IL12RB2: variants seen among roughly 807,000 people sequenced by gnomAD.
IL12RB2 encodes interleukin-12 receptor subunit beta-2.
Under a neutral mutation model 89.4 loss-of-function variants are expected in IL12RB2, and 82 were observed. That is an observed-to-expected ratio of 0.92 (90% CI 0.77 to 1.10). IL12RB2 has a LOEUF of 1.10. Among genes scored for constraint, IL12RB2 ranks in the 50% least tolerant of loss-of-function variants. IL12RB2 has a pLI of 0.00. For missense variants in IL12RB2, 963 were observed against 1,031.9 expected (o/e 0.93, Z 0.92); for synonymous variants, 368 against 370.1 (o/e 0.99, Z 0.07).
intron 8 of IL12RB2, among the ~76,000 whole-genome samples, chr1:67,332,950 G>GCA (rs1367249587): frequency 6.6e-6 from 1 of 152,162 alleles, no homozygotes; most frequent in Non-Finnish European, 1.5e-5. Context: ...CTTCAAGGCA[G>GCA]CACAGTAACT....
chr1:67,387,733 G>C (rs1228546341), intron 15 of IL12RB2, among the ~76,000 whole-genome samples: 1 of 148,100 alleles, frequency 6.8e-6, no homozygotes, highest in Non-Finnish European at 1.5e-5. Flanking sequence ...AAATTAAATG[G>C]TATGAACAAT....
In IL12RB2 at chr1:67,334,628, C is replaced by T. The variant is rs909534922; in HGVS notation, c.958+3818C>T. On this transcript the variant is annotated intron_variant, in intron 8 of 16. Transcript: ENST00000674203. ...CGAGTAGCTGGGACTACAGGCACCC[C>T]GCCACCACGCCCGGCTAATTTTTTG... Among the ~76,000 whole-genome samples the T allele has an allele frequency of 6.1e-4, 91 of 148,122 alleles. 1 individual carries two copies. Among genetic ancestry groups the T allele is most frequent in the Admixed American group, 5.1e-3 (76 of 14,904 alleles).
intron 11 of IL12RB2, among the ~76,000 whole-genome samples, chr1:67,369,217 G>A (rs1370979145): frequency 6.6e-6 from 1 of 152,180 alleles, no homozygotes; most frequent in African/African-American, 2.4e-5. Context: ...AGAGGAAGAT[G>A]ACCAAGTTAT....
At chr1:67,337,879 G>A (rs1451326226) in intron 8 of IL12RB2, among the ~76,000 whole-genome samples, 1 of 138,810 alleles carries the variant, frequency 7.2e-6, no homozygotes, top group East Asian at 2.1e-4. Flanking sequence ...CTTCTCTGTT[G>A]AGAATTCTTT....
At chr1:67,333,586 T>G (rs1222211951) in intron 8 of IL12RB2, among the ~76,000 whole-genome samples, 1 of 152,130 alleles carries the variant, frequency 6.6e-6, no homozygotes, top group Non-Finnish European at 1.5e-5. Context: ...GTCATTAAAT[T>G]CAGCTCCTAT....
intron 15 of IL12RB2, among the ~76,000 whole-genome samples, chr1:67,386,886 ATATATATATATATATATATATAT>A (rs1665238237): frequency 2.9e-5 from 1 of 34,480 alleles, no homozygotes; most frequent in Non-Finnish European, 1.0e-4. Flanking sequence ...ATATATATAT[ATATATATATATATATATATATAT>A]ATATATATTC....
At chr1:67,346,086 G>A (rs1660187320) in intron 9 of IL12RB2, among the ~76,000 whole-genome samples, 1 of 152,144 alleles carries the variant, frequency 6.6e-6, no homozygotes, top group African/African-American at 2.4e-5. Flanking sequence ...TGGTCCAGCA[G>A]TTAAGAGTTC....
intron 2 of IL12RB2, among the ~76,000 whole-genome samples, chr1:67,316,999 G>A (rs1403241089): frequency 3.3e-5 from 5 of 152,092 alleles, no homozygotes; most frequent in Non-Finnish European, 7.4e-5. Context: ...TTGGCACTTA[G>A]CAGCTGCTTA....
chr1:67,370,031 A>AC (rs1277099752), intron 11 of IL12RB2, among the ~76,000 whole-genome samples: 2 of 152,048 alleles, frequency 1.3e-5, no homozygotes, highest in East Asian at 3.9e-4. Flanking sequence ...GAAAAAAAAA[A>AC]AAAAACAATA....
Position 67,328,359 on chromosome 1 carries a change from A to G in IL12RB2, c.639A>G (p.Pro213=). ...GTCTTGGAAGCTCCTCTTCACTTCC[A>G]TCCACATTCACATTCTTGGACATAG... The part of the protein sequence containing the change: ...VNSLGSSSSL[P]STFTFLDIVR... Residue 213 remains proline (P), a synonymous_variant, in exon 6 of 17, where the codon CCA becomes CCG. Transcript: ENST00000674203. 1.2e-6 allele frequency: 2 copies of G among 1,614,164 alleles called. No homozygotes were observed. The highest frequency in any genetic ancestry group is 8.5e-7 in the Non-Finnish European group (1 of 1,180,024).
chr1:67,382,134 C>T (rs1443289540), intron 14 of IL12RB2, among the ~76,000 whole-genome samples: 1 of 152,188 alleles, frequency 6.6e-6, no homozygotes, highest in Non-Finnish European at 1.5e-5. Flanking sequence ...ATAATCTCAG[C>T]ACTTTGGGAG....
In IL12RB2 at chr1:67,368,000, C is replaced by A. The variant is rs1378506323; in HGVS notation, c.1434C>A (p.Pro478=). 1 of 1,604,770 alleles carries A rather than the reference C, an allele frequency of 6.2e-7. No homozygotes were observed. The highest frequency in any genetic ancestry group is 8.5e-7 in the Non-Finnish European group (1 of 1,171,488). ...QVPLNWLRSR[P]YNVSALISEN... The stretch of plus-strand genomic sequence containing the variant: ...CTCTAAACTGGCTACGGAGTCGACC[C>A]TACAATGTGTCTGCTCTGATTTCAG... Residue 478 remains proline, a synonymous_variant, in exon 11 of 17, where the codon CCC becomes CCA. Transcript: ENST00000674203.
At chr1:67,353,121 A>G (rs1661027208) in intron 10 of IL12RB2, among the ~76,000 whole-genome samples, 1 of 152,230 alleles carries the variant, frequency 6.6e-6, no homozygotes, top group Non-Finnish European at 1.5e-5. Context: ...ATAGTAAAGA[A>G]TGGACTGGTT....
intron 13 of IL12RB2, among the ~76,000 whole-genome samples, chr1:67,379,509 C>CAAAAAAAAAAAAAA (rs58494224): frequency 2.9e-5 from 2 of 68,492 alleles, no homozygotes; most frequent in African/African-American, 5.9e-5. Context: ...GAACCTGTCT[C>CAAAAAAAAAAAAAA]AAAAAAAAAA....
intron 8 of IL12RB2, 82 bp downstream of exon 8, chr1:67,330,892 GA>G: frequency 1.2e-6 from 1 of 833,630 alleles, no homozygotes; most frequent in East Asian, 2.4e-5. Flanking sequence ...CCTTGGAATA[GA>G]ATCTTTAAAC....
intron 4 of IL12RB2, among the ~76,000 whole-genome samples, chr1:67,324,387 T>G (rs1325187310): frequency 6.6e-6 from 1 of 151,996 alleles, no homozygotes; most frequent in African/African-American, 2.4e-5. Flanking sequence ...CATGCCCGGC[T>G]AATTTTTGTA....
Position 67,350,856 on chromosome 1 carries a change from G to A in IL12RB2, c.1039-14G>A, listed in dbSNP as rs372578619. The stretch of plus-strand genomic sequence containing the variant: ...GTCTGGGAGTAAATAGTGAATAAAT[G>A]TGTCTTGTTGCAGAATCTGAGTGTC... On this transcript the variant is annotated splice_polypyrimidine_tract_variant and intron_variant, in intron 9 of 16. Transcript: ENST00000674203. The A allele has an allele frequency of 1.2e-5, 19 of 1,613,774 alleles. No homozygotes were observed. The highest frequency in any genetic ancestry group is 4.0e-5 in the African/African-American group (3 of 75,000).
At chr1:67,320,797 G>A (rs902549455) in intron 3 of IL12RB2, among the ~76,000 whole-genome samples, 4 of 151,382 alleles carry the variant, frequency 2.6e-5, no homozygotes, top group African/African-American at 7.3e-5. Context: ...GTGCAGGTTC[G>A]TTACATAGGT....
At chr1:67,328,740 G>A (rs3790562) in intron 6 of IL12RB2, among the ~76,000 whole-genome samples, 137,703 of 152,114 alleles carry the variant, frequency 0.91, 63,051 homozygotes, top group Non-Finnish European at 0.99. Context: ...GTGTCCTTTC[G>A]CCCCCATGGC....
Sources: allele counts gnomAD v4.1 joint callset (sites outside exome capture counted in the v4.1 genomes callset), GRCh38; gene constraint gnomAD v4.1.1; transcripts MANE v1.5; gene names NCBI Gene and HGNC (gene_info 2026-07-23, HGNC 2026-07-21).